Variants in KDR observed in about 807,000 individuals in gnomAD.
KDR encodes the protein kinase insert domain receptor.
KDR carries 43 observed loss-of-function variants against 160.9 expected under a neutral mutation model. The observed-to-expected ratio is 0.27, with a 90% CI of 0.21 to 0.34. The LOEUF (loss-of-function observed/expected upper bound fraction) is 0.34. Ranked by LOEUF, KDR falls within the 10% of genes least tolerant of loss-of-function variation. KDR has a pLI of 1.00. For missense variants in KDR, 1,469 were observed against 1,666.4 expected, an observed-to-expected ratio of 0.88 and a Z score of 2.06; for synonymous variants, 617 against 600.1, an observed-to-expected ratio of 1.03 and a Z score of -0.41.
intron 21 of KDR, 61 bp from the exon 22 acceptor site, chr4:55,092,775 A>G (rs2110013940): frequency 8.7e-7 from 1 of 1,147,572 alleles, no homozygotes; most frequent in South Asian, 1.2e-5. Context: ...GATGTTTCTA[A>G]GTTTGCTAGA....
In KDR at chr4:55,110,423, A is replaced by G; in HGVS notation, c.1235T>C (p.Val412Ala). 1 of 1,614,106 alleles carries G rather than the reference A, an allele frequency of 6.2e-7. No homozygotes were observed. The highest frequency in any genetic ancestry group is 1.1e-5 in the South Asian group (1 of 91,088). ...CTCACCATACACAACCAGAGAGACC[A>G]CATGGCTCTGCTTCTCCTTTGAAAT... The part of the protein sequence containing the change: ...NPISKEKQSH[V>A]VSLVVYVPPQ... Residue 412 changes from valine (V) to alanine (A), a missense_variant, in exon 9 of 30, where the codon GTG (valine) becomes GCG (alanine). Around this residue, in one of 7 missense-constraint regions of KDR, gnomAD observed 792 missense variants for 840.9 expected, o/e 0.94. Coordinates refer to ENST00000263923, the MANE Select transcript of KDR (RefSeq NM_002253.4).
At chr4:55,107,617 AC>A in intron 10 of KDR, 119 bp downstream of exon 10, 1 of 1,144,730 alleles carries the variant, frequency 8.7e-7, no homozygotes, top group Non-Finnish European at 1.3e-6. Flanking sequence ...GATTCAGGCT[AC>A]CTCTTGAGAG....
At chr4:55,103,443 T>G (rs1456502512) in intron 13 of KDR, among the ~76,000 whole-genome samples, 1 of 152,132 alleles carries the variant, frequency 6.6e-6, no homozygotes, top group African/African-American at 2.4e-5. Flanking sequence ...TAGGAGTCCT[T>G]AGGGAAGCAA....
In KDR at chr4:55,104,635, C is replaced by A; in HGVS notation, c.1987+8G>T. Reference sequence around the variant, plus strand: ...CCTCTGCACAATGATCCAGAATTGTCTCCCTACCTAGGACTGTGAGCTGCC... The same window carrying A: ...CCTCTGCACAATGATCCAGAATTGTATCCCTACCTAGGACTGTGAGCTGCC... On this transcript the variant is annotated splice_region_variant and intron_variant, in intron 13 of 29. Transcript: ENST00000263923. The A allele has an allele frequency of 6.2e-7, 1 of 1,611,124 alleles. No homozygotes were observed. The highest frequency in any genetic ancestry group is 8.5e-7 in the Non-Finnish European group (1 of 1,177,930).
At position 55,118,578 on chromosome 4, in the gene KDR, G is replaced by A. The variant is rs745748724; in HGVS notation, c.358+26C>T. On this transcript the variant is annotated intron_variant, in intron 3 of 29. Transcript: ENST00000263923. Reference sequence around the variant, plus strand: ...TTTTATAACTGGTAAAGAGACGTGGGAAATGAATTTTATTTCACCACTTAC... The same window carrying A: ...TTTTATAACTGGTAAAGAGACGTGGAAAATGAATTTTATTTCACCACTTAC... 25 of 1,571,550 alleles carry A rather than the reference G, an allele frequency of 1.6e-5. No homozygotes were observed. The South Asian group carries it at 2.8e-4, about 17-fold the overall frequency.
Position 55,102,443 on chromosome 4 carries a change from C to T in KDR, c.2053G>A (p.Glu685Lys), listed in dbSNP as rs374980446. The T allele has an allele frequency of 1.5e-5, 24 of 1,613,654 alleles. No homozygotes were observed. Among genetic ancestry groups the T allele is most frequent in the East Asian group, 2.2e-5 (1 of 44,862 alleles). Reference protein sequence around the residue: ...NQTTSIGESIEVSCTASGNPP... With the variant: ...NQTTSIGESIKVSCTASGNPP... Reference sequence around the variant, plus strand: ...TTCCCAGATGCCGTGCATGAGACTTCGATGCTTTCCCCAATACTTGTCGTC... The same window carrying T: ...TTCCCAGATGCCGTGCATGAGACTTTGATGCTTTCCCCAATACTTGTCGTC... Residue 685 changes from glutamate to lysine, a missense_variant, in exon 14 of 30, where the codon GAA becomes AAA. Physicochemically the swap from Glu to Lys is moderately conservative, Grantham distance 56 (BLOSUM62 1). Around this residue, in one of 7 missense-constraint regions of KDR, gnomAD observed 792 missense variants for 840.9 expected, o/e 0.94. Coordinates refer to ENST00000263923, the MANE Select transcript of KDR (RefSeq NM_002253.4).
At chr4:55,115,469 AT>A in intron 3 of KDR, 58 bp from the exon 4 acceptor site, 1 of 941,120 alleles carries the variant, frequency 1.1e-6, no homozygotes, top group Non-Finnish European at 1.7e-6. Flanking sequence ...AAAGTTGGTC[AT>A]TTTTCAGGTT....
intron 18 of KDR, chr4:55,096,549 A>C (rs1439564381): frequency 1.7e-6 from 1 of 579,382 alleles, no homozygotes; most frequent in South Asian, 2.1e-5. Context: ...TAAGTGAGCC[A>C]GAAAGTTTGA....
At chr4:55,108,826 A>G (rs1351315391) in intron 9 of KDR, among the ~76,000 whole-genome samples, 1 of 150,472 alleles carries the variant, frequency 6.6e-6, no homozygotes, top group Non-Finnish European at 1.5e-5. Context: ...CTATTTCCTT[A>G]TTACTGTCAA....
intron 19 of KDR, among the ~76,000 whole-genome samples, chr4:55,095,896 T>C (rs1483260953): frequency 2.0e-5 from 3 of 152,192 alleles, no homozygotes; most frequent in African/African-American, 7.2e-5. Context: ...ACCCATCTAC[T>C]TGCTTTTCAG....
At chr4:55,114,712 T>C (rs1001768827) in intron 5 of KDR, among the ~76,000 whole-genome samples, 162 bp downstream of exon 5, 2 of 152,194 alleles carry the variant, frequency 1.3e-5, no homozygotes, top group Non-Finnish European at 2.9e-5. Context: ...ACAACCTCAA[T>C]TGCACATGGG....
At chr4:55,091,830 G>A (rs1018610151) in intron 22 of KDR, among the ~76,000 whole-genome samples, 2 of 152,226 alleles carry the variant, frequency 1.3e-5, no homozygotes, top group Admixed American at 6.5e-5. Context: ...ATCCTTTCCA[G>A]GGGAATCACT....
intron 15 of KDR, among the ~76,000 whole-genome samples, chr4:55,101,571 G>T (rs979945713): frequency 3.9e-5 from 6 of 152,044 alleles, no homozygotes; most frequent in African/African-American, 1.4e-4. Context: ...ATGTGCCATG[G>T]TGATTTGCTG....
At chr4:55,114,306 A>G in intron 5 of KDR, 41 bp from the exon 6 acceptor site, 1 of 1,597,604 alleles carries the variant, frequency 6.3e-7, no homozygotes, top group Non-Finnish European at 8.6e-7. Flanking sequence ...TGAGAGAGCA[A>G]ATAAGCCTAT....
chr4:55,099,165 A>G (rs901647232), intron 15 of KDR, among the ~76,000 whole-genome samples: 5 of 151,722 alleles, frequency 3.3e-5, no homozygotes, highest in Non-Finnish European at 7.4e-5. Flanking sequence ...ACAGGTGCAT[A>G]CCACCAAGCC....
chr4:55,093,308 G>A (rs987515759), intron 21 of KDR, among the ~76,000 whole-genome samples: 7 of 152,158 alleles, frequency 4.6e-5, no homozygotes, highest in African/African-American at 4.8e-5. Flanking sequence ...ATAAATTTAC[G>A]TAAATTGGTG....
Position 55,088,886 on chromosome 4 carries a change from C to T in KDR, c.3492G>A (p.Leu1164=), listed in dbSNP as rs747565731. ...SELVEHLGNL[L]QANAQQDGKD... is the part of the protein sequence containing the mutation. ...GACAAACCTGCTGAGCATTAGCTTGCAAGAGATTTCCCAAATGTTCCACCA... is the reference window on the plus strand; with the variant it reads ...GACAAACCTGCTGAGCATTAGCTTGTAAGAGATTTCCCAAATGTTCCACCA... The change falls in exon 26 of 30, where the codon TTG becomes TTA. Residue 1164 remains leucine (L), a synonymous_variant. Transcript: ENST00000263923. 5.0e-6 allele frequency: 8 copies of T among 1,613,850 alleles called. No individual in the cohort carries two copies. The South Asian group carries it at 8.8e-5, about 18-fold the overall frequency.
chr4:55,108,023 C>T lies in KDR; in HGVS notation c.1256-130G>A, dbSNP rs184880280. On this transcript the variant is annotated intron_variant, in intron 9 of 29. Transcript: ENST00000263923. ...CTTCCACTTTCTTTTTCGAAGAACACCTAGATGTGGAAACAAGAGACCTGA... is the reference window on the plus strand; with the variant it reads ...CTTCCACTTTCTTTTTCGAAGAACATCTAGATGTGGAAACAAGAGACCTGA... The T allele has an allele frequency of 4.1e-5, 39 of 954,966 alleles. 1 individual carries two copies. The highest frequency in any genetic ancestry group is 4.4e-4 in the Middle Eastern group (2 of 4,534). The allele number at this position is 954,966 out of a possible 1,614,324, so 59.2% of individuals were successfully genotyped here.
At chr4:55,096,187 C>T in intron 19 of KDR, 42 bp downstream of exon 19, 2 of 1,023,994 alleles carry the variant, frequency 2.0e-6, no homozygotes, top group Non-Finnish European at 1.5e-6. Context: ...ATCAGAGAGG[C>T]ATGTTAAAAT....
Sources: allele counts gnomAD v4.1 joint callset (sites outside exome capture counted in the v4.1 genomes callset), GRCh38; gene constraint gnomAD v4.1.1; regional missense constraint gnomAD v4.1.1; transcripts MANE v1.5; gene names NCBI Gene and HGNC (gene_info 2026-07-23, HGNC 2026-07-21).